SAMTOR: variants seen among roughly 807,000 people sequenced by gnomAD.
SAMTOR encodes the protein UPF0532 protein C7orf60.
At chr7:112,921,727 C>T in the SAMTOR span, among the ~76,000 whole-genome samples, 8 of 115,050 alleles carry the variant, frequency 7.0e-5, no homozygotes, top group Non-Finnish European at 1.4e-4. Flanking sequence ...CCAGAATCTA[C>T]AATGAACTCA....
the SAMTOR span, among the ~76,000 whole-genome samples, chr7:112,872,934 C>T: frequency 6.6e-6 from 1 of 151,656 alleles, no homozygotes; most frequent in Non-Finnish European, 1.5e-5. Flanking sequence ...TAGCTGTGTG[C>T]GTGTGTGCAC....
chr7:112,918,751 A>G, the SAMTOR span, among the ~76,000 whole-genome samples: 1 of 152,224 alleles, frequency 6.6e-6, no homozygotes, highest in Non-Finnish European at 1.5e-5. Context: ...GGATGGAGGA[A>G]GATCTACCAA....
At chr7:112,939,426 A>T in the SAMTOR span, 96 of 1,071,886 alleles carry the variant, frequency 9.0e-5, no homozygotes, top group African/African-American at 1.3e-3. Context: ...AGCGCGTCTG[A>T]TGCCGACTAG....
the SAMTOR span, among the ~76,000 whole-genome samples, chr7:112,857,119 CT>C: frequency 7.1e-6 from 1 of 141,582 alleles, no homozygotes; most frequent in Non-Finnish European, 1.5e-5. Context: ...GGAGTCTCGC[CT>C]GTCGCCCAGG....
chr7:112,902,457 A>C, the SAMTOR span, among the ~76,000 whole-genome samples: 1 of 147,158 alleles, frequency 6.8e-6, no homozygotes, highest in Non-Finnish European at 1.5e-5. Context: ...AACAAAAAAA[A>C]AAACCAAAAA....
At chr7:112,938,828 G>A in the SAMTOR span, among the ~76,000 whole-genome samples, 1 of 152,222 alleles carries the variant, frequency 6.6e-6, no homozygotes, top group Non-Finnish European at 1.5e-5. Flanking sequence ...AGCTTCCACA[G>A]AGGGGGTTCT....
At chr7:112,918,116 A>G in the SAMTOR span, among the ~76,000 whole-genome samples, 4 of 152,162 alleles carry the variant, frequency 2.6e-5, no homozygotes, top group African/African-American at 9.7e-5. Context: ...GATACTCCTA[A>G]AGAAGAGCAA....
chr7:112,901,017 GT>G, the SAMTOR span, among the ~76,000 whole-genome samples: 1 of 152,182 alleles, frequency 6.6e-6, no homozygotes, highest in Admixed American at 6.5e-5. Context: ...GGCATGATCT[GT>G]AAAAGAAAAA....
the SAMTOR span, among the ~76,000 whole-genome samples, chr7:112,827,263 C>T: frequency 1.3e-5 from 2 of 152,072 alleles, no homozygotes; most frequent in African/African-American, 4.8e-5. Context: ...GGCATTTAGG[C>T]CATTTCTATT....
At chr7:112,898,207 C>T in the SAMTOR span, among the ~76,000 whole-genome samples, 1 of 152,172 alleles carries the variant, frequency 6.6e-6, no homozygotes, top group Non-Finnish European at 1.5e-5. Context: ...TGGCCCTGGG[C>T]TCCCAATAAA....
At chr7:112,876,188 G>A in the SAMTOR span, among the ~76,000 whole-genome samples, 5 of 152,064 alleles carry the variant, frequency 3.3e-5, no homozygotes, top group East Asian at 3.9e-4. Context: ...TCAAACTCCC[G>A]GCCTCAAGCG....
At chr7:112,920,503 G>C in the SAMTOR span, among the ~76,000 whole-genome samples, 10 of 149,554 alleles carry the variant, frequency 6.7e-5, no homozygotes, top group South Asian at 2.2e-4. Context: ...ATACTGAATG[G>C]GCAAAAACTG....
chr7:112,900,280 G>A, the SAMTOR span, among the ~76,000 whole-genome samples: 1 of 152,152 alleles, frequency 6.6e-6, no homozygotes, highest in African/African-American at 2.4e-5. Flanking sequence ...TATTTTATAA[G>A]TTCTGGTCCA....
At chr7:112,896,679 C>T in the SAMTOR span, among the ~76,000 whole-genome samples, 1 of 151,998 alleles carries the variant, frequency 6.6e-6, no homozygotes, top group Admixed American at 6.6e-5. Context: ...TAGTTGTTAC[C>T]CTCAAGAAGC....
At chr7:112,929,622 T>C in the SAMTOR span, among the ~76,000 whole-genome samples, 3 of 152,006 alleles carry the variant, frequency 2.0e-5, no homozygotes, top group Non-Finnish European at 4.4e-5. Flanking sequence ...CAAAGAGATA[T>C]CTGCAATCCT....
the SAMTOR span, among the ~76,000 whole-genome samples, chr7:112,841,677 A>G: frequency 6.6e-6 from 1 of 152,154 alleles, no homozygotes; most frequent in African/African-American, 2.4e-5. Context: ...ACTTCAAACT[A>G]TACTAGAAGG....
chr7:112,867,057 C>G, the SAMTOR span, among the ~76,000 whole-genome samples: 1 of 152,168 alleles, frequency 6.6e-6, no homozygotes, highest in African/African-American at 2.4e-5. Flanking sequence ...TCATTTGATA[C>G]AAATTACTGG....
the SAMTOR span, among the ~76,000 whole-genome samples, chr7:112,836,501 GT>G: frequency 6.6e-6 from 1 of 151,666 alleles, no homozygotes; most frequent in Non-Finnish European, 1.5e-5. Context: ...ACTTGTCAAT[GT>G]TTTTGTTAAA....
At chr7:112,866,224 G>A in the SAMTOR span, among the ~76,000 whole-genome samples, 1 of 152,100 alleles carries the variant, frequency 6.6e-6, no homozygotes, top group Non-Finnish European at 1.5e-5. Flanking sequence ...AACTGAGGAA[G>A]AATGTGAACC....
Sources: allele counts gnomAD v4.1 joint callset (sites outside exome capture counted in the v4.1 genomes callset), GRCh38; gene constraint gnomAD v4.1.1; transcripts MANE v1.5; gene names NCBI Gene and HGNC (gene_info 2026-07-23, HGNC 2026-07-21).